Variants in SYT12 observed in about 807,000 individuals in gnomAD.
SYT12 encodes the protein synaptotagmin-12.
SYT12 carries 27 observed loss-of-function variants against 39.5 expected under a neutral mutation model. That is an observed-to-expected ratio of 0.68 (90% confidence interval 0.50 to 0.94). SYT12 has a LOEUF of 0.94. SYT12 is among the 40% of genes least tolerant of loss of function. The probability of loss-of-function intolerance (pLI) is 0.00; values close to 1 mark genes in which losing one functional copy is unlikely to be tolerated. For synonymous variants in SYT12, 233 were observed against 239.7 expected, an observed-to-expected ratio of 0.97 and a Z score of 0.26; for missense variants, 536 against 572.6, an observed-to-expected ratio of 0.94 and a Z score of 0.65.
At chr11:67,019,497 A>G (rs1028850839), upstream of SYT12, among the ~76,000 whole-genome samples, 2 of 151,542 alleles carry the variant, frequency 1.3e-5, no homozygotes, top group Middle Eastern at 3.2e-3. Context: ...ATCAGATCTC[A>G]TGAGACTTAC....
At position 67,023,219 on chromosome 11, in the gene SYT12, G is replaced by A. The variant is rs956555362; in HGVS notation, c.-265G>A. ...AGGGAGCGGGCGGGCAAGCGGGCGA[G>A]CGCGAGGGAGCGCGCGGCGGGCTCC... On this transcript the variant is annotated 5_prime_UTR_variant, in exon 1 of 8. Transcript: ENST00000527043. 6 of 151,632 alleles carry A rather than the reference G, an allele frequency of 4.0e-5. No individual in the cohort carries two copies. The highest frequency in any genetic ancestry group is 1.9e-4 in the East Asian group (1 of 5,178). 9.4% of individuals were successfully genotyped at this position (151,632 alleles called of 1,614,324 possible). A position where few individuals can be genotyped will look rare whatever the true frequency, so the allele number is the denominator to read the frequency against.
chr11:67,023,741 C>G (rs1193723553), intron 1 of SYT12, among the ~76,000 whole-genome samples: 2 of 152,234 alleles, frequency 1.3e-5, no homozygotes, highest in African/African-American at 2.4e-5. Flanking sequence ...TCCCCGCGCC[C>G]ACGCTGCACA....
intron 7 of SYT12, among the ~76,000 whole-genome samples, chr11:67,047,357 T>G (rs1854591510): frequency 6.7e-6 from 1 of 150,006 alleles, no homozygotes; most frequent in Non-Finnish European, 1.5e-5. Context: ...AACCTCCACT[T>G]CCCAGGTTCA....
intron 6 of SYT12, among the ~76,000 whole-genome samples, chr11:67,045,335 G>C (rs1363731307): frequency 6.6e-6 from 1 of 152,140 alleles, no homozygotes; most frequent in Non-Finnish European, 1.5e-5. Flanking sequence ...CACCCCGTGG[G>C]CAATAGGTGA....
Position 67,013,696 on chromosome 11 carries a change from G to C in SYT12, c.-69+2702G>C, listed in dbSNP as rs77315857. ...GCCCCTGTCAAGTGTGGCCCCCGGC[G>C]CAGGGCCTCCCTGCCCTCCACTCAG... On this transcript the variant is annotated intron_variant, in intron 3 of 10. Transcript: ENST00000393946. 8.6e-3 allele frequency among the ~76,000 whole-genome samples: 1,312 copies of C among 152,298 alleles called. 19 individuals are homozygous for C. Among genetic ancestry groups the C allele is most frequent in the African/African-American group, 0.03 (1,243 of 41,566 alleles).
Position 67,039,890 on chromosome 11 carries a change from C to T in SYT12, c.308C>T (p.Thr103Ile), listed in dbSNP as rs777815384. 109 of 1,613,560 alleles carry T rather than the reference C, an allele frequency of 6.8e-5. No individual in the cohort carries two copies. The highest frequency in any genetic ancestry group is 8.9e-5 in the Non-Finnish European group (105 of 1,180,034). ...SRKGSLSIED[T>I]FESISELGPL... ...AAAGGCAGTCTCAGCATTGAGGACACCTTTGAGAGCATCAGTGAACTGGGG... is the reference window on the plus strand; with the variant it reads ...AAAGGCAGTCTCAGCATTGAGGACATCTTTGAGAGCATCAGTGAACTGGGG... Residue 103 changes from threonine to isoleucine, a missense_variant, in exon 4 of 8, where the codon ACC becomes ATC. Transcript: ENST00000527043.
intron 3 of SYT12, among the ~76,000 whole-genome samples, chr11:67,013,819 T>C (rs1202052571): frequency 6.6e-6 from 1 of 152,238 alleles, no homozygotes; most frequent in Non-Finnish European, 1.5e-5. Context: ...ATTTGGCAGC[T>C]TACAAAACCA....
intron 3 of SYT12, among the ~76,000 whole-genome samples, chr11:67,035,899 C>CTT (rs1555066307): frequency 3.1e-5 from 4 of 127,186 alleles, no homozygotes; most frequent in African/African-American, 1.3e-4. Context: ...TCCCTCCCTC[C>CTT]CTCCTTCCTT....
chr11:67,045,351 A>G (rs1184542077), intron 6 of SYT12, among the ~76,000 whole-genome samples: 1 of 152,192 alleles, frequency 6.6e-6, no homozygotes, highest in Non-Finnish European at 1.5e-5. Context: ...GGTGATGGGC[A>G]GACGGCAAGT....
At chr11:67,021,263 ACTCCC>A (rs1479030855), upstream of SYT12, among the ~76,000 whole-genome samples, 1 of 148,712 alleles carries the variant, frequency 6.7e-6, no homozygotes, top group Non-Finnish European at 1.5e-5. Context: ...TTTCAAGCTC[ACTCCC>A]GCCCCTGCAT....
intron 7 of SYT12, 32 bp downstream of exon 7, chr11:67,045,909 G>T: frequency 6.2e-7 from 1 of 1,612,864 alleles, no homozygotes; most frequent in South Asian, 1.1e-5. Flanking sequence ...GAAGGGGCCA[G>T]GTCACCCCAG....
intron 1 of SYT12, chr11:67,029,740 G>C (rs894027489): frequency 2.4e-5 from 4 of 164,428 alleles, no homozygotes; most frequent in African/African-American, 9.6e-5. Context: ...TGTCATCCCA[G>C]CTACTTGGGA....
intron 3 of SYT12, among the ~76,000 whole-genome samples, chr11:67,015,268 G>A (rs968979304): frequency 1.3e-5 from 2 of 152,238 alleles, no homozygotes; most frequent in African/African-American, 4.8e-5. Context: ...CGCAACAGGA[G>A]GGCAGGGCGG....
intron 4 of SYT12, among the ~76,000 whole-genome samples, chr11:67,040,763 G>T (rs1950498308): frequency 6.6e-6 from 1 of 151,968 alleles, no homozygotes; most frequent in South Asian, 2.1e-4. Flanking sequence ...GCGTGAACCT[G>T]GGAGGCAGAG....
chr11:67,008,739 G>C (rs962564762), intron 1 of SYT12, among the ~76,000 whole-genome samples: 1 of 151,994 alleles, frequency 6.6e-6, no homozygotes, highest in Non-Finnish European at 1.5e-5. Context: ...TTGTAGAGAC[G>C]GGGTTTCAAC....
At chr11:67,018,796 C>T (rs1422107029), upstream of SYT12, among the ~76,000 whole-genome samples, 2 of 151,780 alleles carry the variant, frequency 1.3e-5, no homozygotes, top group Non-Finnish European at 2.9e-5. Flanking sequence ...GCACTCCAGC[C>T]TGGGCGACAG....
At chr11:67,045,250 C>G (rs1950594392) in intron 6 of SYT12, among the ~76,000 whole-genome samples, 1 of 149,310 alleles carries the variant, frequency 6.7e-6, no homozygotes, top group Non-Finnish European at 1.5e-5. Context: ...GCTGGGGGAG[C>G]CTGATCTATT....
chr11:67,036,646 A>T (rs1200907382), intron 3 of SYT12, among the ~76,000 whole-genome samples: 1 of 152,126 alleles, frequency 6.6e-6, no homozygotes, highest in East Asian at 1.9e-4. Context: ...TTTGAAAAAA[A>T]TTTTCCAGGC....
intron 5 of SYT12, among the ~76,000 whole-genome samples, chr11:67,044,058 C>T (rs1174690060): frequency 3.9e-5 from 6 of 152,198 alleles, no homozygotes; most frequent in African/African-American, 1.2e-4. Flanking sequence ...GTTTACAGCT[C>T]GTCTGCTGCT....
Sources: allele counts gnomAD v4.1 joint callset (sites outside exome capture counted in the v4.1 genomes callset), GRCh38; gene constraint gnomAD v4.1.1; transcripts MANE v1.5; gene names NCBI Gene and HGNC (gene_info 2026-07-23, HGNC 2026-07-21).